Variants in TEX9 observed in about 807,000 individuals in gnomAD.
TEX9 encodes the protein testis-expressed protein 9.
A neutral mutation model predicts 59.6 loss-of-function variants in TEX9; 74 were observed. The observed-to-expected ratio is 1.24, with a 90% CI of 1.03 to 1.51. The LOEUF (loss-of-function observed/expected upper bound fraction) is 1.51. Among genes scored for constraint, TEX9 ranks in the 40% most tolerant of loss-of-function variants. The probability of loss-of-function intolerance (pLI) is 0.00; values close to 1 mark genes in which losing one functional copy is unlikely to be tolerated. For synonymous variants in TEX9, 186 were observed against 152.2 expected, an observed-to-expected ratio of 1.22 and a Z score of -1.64; for missense variants, 522 against 447.8, an observed-to-expected ratio of 1.17 and a Z score of -1.49.
intron 6 of TEX9, among the ~76,000 whole-genome samples, chr15:56,390,842 A>C (rs1283836153): frequency 6.6e-6 from 1 of 151,984 alleles, no homozygotes; most frequent in African/African-American, 2.4e-5. Context: ...GAAGCGTGTA[A>C]ATTTAAAAGT....
At chr15:56,448,040 A>C (rs562321700), downstream of TEX9, among the ~76,000 whole-genome samples, 1 of 152,202 alleles carries the variant, frequency 6.6e-6, no homozygotes, top group African/African-American at 2.4e-5. Flanking sequence ...TTGCTTATCT[A>C]TTCACATGCT....
At chr15:56,246,171 A>C (rs1020419191) in intron 1 of TEX9, among the ~76,000 whole-genome samples, 20 of 152,234 alleles carry the variant, frequency 1.3e-4, no homozygotes, top group African/African-American at 4.8e-4. Flanking sequence ...TAAAAGAGCC[A>C]GGTCACCCCA....
At chr15:56,273,745 ATTTC>A (rs1187556822) in intron 1 of TEX9, among the ~76,000 whole-genome samples, 1 of 152,232 alleles carries the variant, frequency 6.6e-6, no homozygotes, top group Admixed American at 6.5e-5. Context: ...CACTTTAAAT[ATTTC>A]TTTCCATTCT....
At chr15:56,418,702 T>C (rs1245236687) in intron 10 of TEX9, among the ~76,000 whole-genome samples, 1 of 151,780 alleles carries the variant, frequency 6.6e-6, no homozygotes, top group Admixed American at 6.6e-5. Context: ...GCTGTGCACC[T>C]ATCTTATAAT....
chr15:56,405,968 A>G (rs2049057264), intron 9 of TEX9, among the ~76,000 whole-genome samples: 1 of 152,214 alleles, frequency 6.6e-6, no homozygotes, highest in Admixed American at 6.5e-5. Flanking sequence ...AATAACAAAT[A>G]CAATAAAACA....
chr15:56,348,610 C>G (rs2046517370), intron 1 of TEX9, among the ~76,000 whole-genome samples: 1 of 152,062 alleles, frequency 6.6e-6, no homozygotes, highest in Non-Finnish European at 1.5e-5. Context: ...AGTTATGATT[C>G]AAATCACTGT....
intron 10 of TEX9, among the ~76,000 whole-genome samples, chr15:56,418,456 T>G (rs1384969664): frequency 2.6e-5 from 4 of 151,386 alleles, no homozygotes; most frequent in African/African-American, 7.4e-5. Flanking sequence ...TGGCTTAATA[T>G]GAAATTCTTG....
chr15:56,427,544 A>G, intron 10 of TEX9, 61 bp from the exon 11 acceptor site: 2 of 1,187,744 alleles, frequency 1.7e-6, no homozygotes, highest in African/African-American at 1.6e-5. Flanking sequence ...ATGATAGTCT[A>G]TAATTCTTTC....
intron 11 of TEX9, 123 bp downstream of exon 11, chr15:56,427,862 T>A: frequency 1.4e-6 from 1 of 696,714 alleles, no homozygotes; most frequent in Non-Finnish European, 2.3e-6. Flanking sequence ...ATAAAATGCA[T>A]CATACATATG....
chr15:56,434,438 A>T (rs746268910), intron 12 of TEX9: 1 of 1,548,674 alleles, frequency 6.5e-7, no homozygotes, highest in East Asian at 2.2e-5. Context: ...CTATTTCCTT[A>T]CACCAGATTT....
intron 2 of TEX9, among the ~76,000 whole-genome samples, chr15:56,368,083 C>T (rs1451590786): frequency 2.0e-5 from 3 of 152,114 alleles, no homozygotes; most frequent in African/African-American, 7.2e-5. Context: ...TTTTGAGAAG[C>T]CCACTTTTAA....
intron 1 of TEX9, among the ~76,000 whole-genome samples, chr15:56,326,767 A>C (rs1300092398): frequency 6.6e-6 from 1 of 151,528 alleles, no homozygotes; most frequent in East Asian, 1.9e-4. Context: ...GTAGTGGGCT[A>C]CTTCCTCACC....
At chr15:56,297,387 A>G (rs1257420707) in intron 1 of TEX9, among the ~76,000 whole-genome samples, 4 of 152,244 alleles carry the variant, frequency 2.6e-5, no homozygotes, top group African/African-American at 7.2e-5. Context: ...TCTTTTATCT[A>G]TTACCCAACA....
intron 3 of TEX9, among the ~76,000 whole-genome samples, chr15:56,379,346 CTT>C (rs1567109610): frequency 6.6e-6 from 1 of 152,056 alleles, no homozygotes; most frequent in East Asian, 1.9e-4. Flanking sequence ...ATTTCTATGT[CTT>C]TGTATAGTTT....
Position 56,429,150 on chromosome 15 carries a change from T to C in TEX9, c.*29+677T>C. On this transcript the variant is annotated intron_variant, in intron 12 of 12. Transcript: ENST00000352903. Reference sequence around the variant, plus strand: ...CCTTTGTTGATATACTTTCCTGAACTCTTCACCAAGCAGATCAATATCATC... The same window carrying C: ...CCTTTGTTGATATACTTTCCTGAACCCTTCACCAAGCAGATCAATATCATC... The C allele has an allele frequency of 1.9e-6, 3 of 1,603,342 alleles. 1 individual carries two copies. Among genetic ancestry groups the C allele is most frequent in the South Asian group, 2.3e-5 (2 of 88,656 alleles).
At chr15:56,351,817 C>T (rs1439276814) in intron 1 of TEX9, among the ~76,000 whole-genome samples, 3 of 152,094 alleles carry the variant, frequency 2.0e-5, no homozygotes, top group Non-Finnish European at 2.9e-5. Context: ...TTGTGTATTT[C>T]TTTAATTCAA....
chr15:56,450,696 T>C (rs1226155005), downstream of TEX9, among the ~76,000 whole-genome samples: 1 of 152,220 alleles, frequency 6.6e-6, no homozygotes, highest in East Asian at 1.9e-4. Flanking sequence ...TTATTGGAAA[T>C]AATGCTGCAC....
At chr15:56,434,285 G>A in intron 12 of TEX9, 1 of 1,613,908 alleles carries the variant, frequency 6.2e-7, no homozygotes, top group Non-Finnish European at 8.5e-7. Flanking sequence ...TTTTTCTAAA[G>A]TTCTCCTCTT....
downstream of TEX9, chr15:56,446,863 T>A (rs1357592721): frequency 2.5e-6 from 4 of 1,609,704 alleles, no homozygotes; most frequent in East Asian, 4.5e-5. Context: ...TTTAATGGCA[T>A]CCTTTTCAGC....
Sources: allele counts gnomAD v4.1 joint callset (sites outside exome capture counted in the v4.1 genomes callset), GRCh38; gene constraint gnomAD v4.1.1; transcripts MANE v1.5; gene names NCBI Gene and HGNC (gene_info 2026-07-23, HGNC 2026-07-21).